Variants in PHF2 observed in about 807,000 individuals in gnomAD.
The protein encoded by PHF2 is lysine-specific demethylase PHF2.
A neutral mutation model predicts 120.5 loss-of-function variants in PHF2; 27 were observed. The observed-to-expected ratio is 0.22, with a 90% CI of 0.17 to 0.31. The LOEUF is 0.31. PHF2 is among the 10% of genes least tolerant of loss of function. The pLI, the probability that PHF2 is intolerant of heterozygous loss-of-function variation, is 1.00. For missense variants in PHF2, 1,024 were observed against 1,434.8 expected (o/e 0.71, Z 4.63); for synonymous variants, 568 against 592.5 (o/e 0.96, Z 0.60).
chr9:93,602,703 G>T (rs1338325829), intron 1 of PHF2, among the ~76,000 whole-genome samples: 7 of 152,166 alleles, frequency 4.6e-5, no homozygotes, highest in Admixed American at 4.6e-4. Flanking sequence ...GGGACCTCGG[G>T]TGCATGGGAA....
chr9:93,630,384 C>T (rs530305161), intron 2 of PHF2, among the ~76,000 whole-genome samples: 176 of 152,312 alleles, frequency 1.2e-3, no homozygotes, highest in Non-Finnish European at 1.8e-3. Flanking sequence ...AATGGTGATG[C>T]GGGGGTTTTC....
intron 1 of PHF2, among the ~76,000 whole-genome samples, chr9:93,616,643 C>T (rs1394176276): frequency 7.1e-6 from 1 of 140,866 alleles, no homozygotes; most frequent in Non-Finnish European, 1.6e-5. Context: ...TTTGATGTTT[C>T]TCCTATAATT....
Position 93,678,902 on chromosome 9 carries a change from G to A in PHF2, c.*1226G>A, listed in dbSNP as rs891312585. 1.2e-5 allele frequency: 2 copies of A among 166,284 alleles called. No homozygotes were observed. Among genetic ancestry groups the A allele is most frequent in the Admixed American group, 5.9e-5 (1 of 16,872 alleles). The allele number at this position is 166,284 out of a possible 1,614,324, so 10.3% of individuals were successfully genotyped here. A position where few individuals can be genotyped will look rare whatever the true frequency, so the allele number is the denominator to read the frequency against. ...TTATTTTTTTCTTTTAAGAACTAAG[G>A]TATTGCCTGAAAAACAAGTGATGTC... On this transcript the variant is annotated 3_prime_UTR_variant, in exon 22 of 22. Transcript: ENST00000359246.
chr9:93,596,535 C>T (rs1825335891), intron 1 of PHF2, among the ~76,000 whole-genome samples: 1 of 152,028 alleles, frequency 6.6e-6, no homozygotes, highest in Non-Finnish European at 1.5e-5. Flanking sequence ...CCAGAACCTT[C>T]AGAGGACTGG....
At chr9:93,646,143 G>C (rs1041879073) in intron 4 of PHF2, among the ~76,000 whole-genome samples, 2 of 152,190 alleles carry the variant, frequency 1.3e-5, no homozygotes, top group African/African-American at 4.8e-5. Context: ...TCCCATCCTG[G>C]CTGCCTGATT....
At chr9:93,612,339 A>G (rs916800481) in intron 1 of PHF2, among the ~76,000 whole-genome samples, 3 of 152,192 alleles carry the variant, frequency 2.0e-5, no homozygotes, top group African/African-American at 4.8e-5. Flanking sequence ...TGTTTTGCCA[A>G]GAATATGGGA....
intron 3 of PHF2, among the ~76,000 whole-genome samples, chr9:93,642,622 G>A (rs1266605628): frequency 5.3e-5 from 8 of 152,098 alleles, no homozygotes; most frequent in Admixed American, 5.2e-4. Context: ...TAGTCTAGTT[G>A]CTGTTTCTTT....
intron 1 of PHF2, among the ~76,000 whole-genome samples, chr9:93,591,969 C>A (rs1346082426): frequency 6.6e-6 from 1 of 152,214 alleles, no homozygotes; most frequent in African/African-American, 2.4e-5. Flanking sequence ...GCTGGGAGAG[C>A]CAGCTCCTTC....
chr9:93,652,885 G>A (rs1020172842), intron 5 of PHF2, among the ~76,000 whole-genome samples: 1 of 152,364 alleles, frequency 6.6e-6, no homozygotes, highest in Admixed American at 6.5e-5. Flanking sequence ...TCGCTTTCCA[G>A]TTCCCAGGAA....
intron 5 of PHF2, among the ~76,000 whole-genome samples, chr9:93,649,861 C>G (rs879814896): frequency 1.3e-5 from 2 of 152,114 alleles, no homozygotes; most frequent in Non-Finnish European, 1.5e-5. Context: ...TGCAGTCACA[C>G]TCATGGACAC....
chr9:93,578,086 C>G (rs1862867522), intron 1 of PHF2, among the ~76,000 whole-genome samples: 1 of 152,228 alleles, frequency 6.6e-6, no homozygotes, highest in Non-Finnish European at 1.5e-5. Flanking sequence ...GTCAGTGGTG[C>G]TTAAGAGTGG....
At chr9:93,606,651 C>CT (rs1327003328) in intron 1 of PHF2, among the ~76,000 whole-genome samples, 3 of 152,078 alleles carry the variant, frequency 2.0e-5, no homozygotes, top group Non-Finnish European at 4.4e-5. Flanking sequence ...TGTGGCTTGT[C>CT]TTTTTTACTT....
At chr9:93,580,931 A>G (rs1862919559) in intron 1 of PHF2, among the ~76,000 whole-genome samples, 1 of 151,620 alleles carries the variant, frequency 6.6e-6, no homozygotes, top group South Asian at 2.1e-4. Context: ...CTGTGGGGAG[A>G]GGTTGGGAGA....
intron 10 of PHF2, among the ~76,000 whole-genome samples, chr9:93,658,970 G>A (rs1004617389): frequency 1.3e-5 from 2 of 152,244 alleles, no homozygotes; most frequent in Admixed American, 1.3e-4. Context: ...TCATTGTGCA[G>A]AGGTACTATG....
Position 93,660,308 on chromosome 9 carries a change from A to C in PHF2, c.1446A>C (p.Gln482His). The C allele has an allele frequency of 6.2e-7, 1 of 1,610,508 alleles. No individual in the cohort carries two copies. Among genetic ancestry groups the C allele is most frequent in the Non-Finnish European group, 8.5e-7 (1 of 1,178,824 alleles). Reference protein sequence around the residue: ...PPSPIEATPPQSLLEKVSKKK... With the variant: ...PPSPIEATPPHSLLEKVSKKK... ...CTCCCATTGAGGCCACCCCGCCTCA[A>C]TCCCTCCTGGAGAAAGTGTCCAAAA... The change falls in exon 12 of 22, where the codon CAA becomes CAC. Residue 482 changes from glutamine to histidine, a missense_variant. Gln to His is a conservative substitution (Grantham distance 24). Transcript: ENST00000359246.
chr9:93,609,829 T>C (rs1825605094), intron 1 of PHF2, among the ~76,000 whole-genome samples: 1 of 152,172 alleles, frequency 6.6e-6, no homozygotes, highest in Non-Finnish European at 1.5e-5. Flanking sequence ...CCCAAGTAGC[T>C]GGGATTACAG....
chr9:93,663,472 C>G (rs919797264), intron 13 of PHF2, 45 bp from the exon 14 acceptor site: 4 of 1,210,388 alleles, frequency 3.3e-6, no homozygotes, highest in Non-Finnish European at 4.8e-6. Context: ...CCTGACCCCC[C>G]ACTTCTGTGT....
rs867472013 is a variant in PHF2, at chr9:93,661,135, C to A, written c.1698+575C>A. ...AGCAGGGTGGCCCTGATAGTCTGAG[C>A]CCCTGTGGACAGTGAAGAGATGGGC... On this transcript the variant is annotated intron_variant, in intron 12 of 21. Coordinates refer to ENST00000359246, the MANE Select transcript of PHF2 (RefSeq NM_005392.4). Among the ~76,000 whole-genome samples, 23 of 152,244 alleles carry A rather than the reference C, an allele frequency of 1.5e-4. No individual in the cohort carries two copies. The South Asian group carries it at 3.1e-3, about 21-fold the overall frequency.
chr9:93,663,416 G>C, intron 13 of PHF2, 101 bp from the exon 14 acceptor site: 1 of 776,082 alleles, frequency 1.3e-6, no homozygotes, highest in Non-Finnish European at 2.2e-6. Context: ...ACTTTCCTTA[G>C]TCGTGTTCCC....
Sources: gnomAD v4.1 joint callset for allele counts (sites outside exome capture counted in the v4.1 genomes callset) on GRCh38, gnomAD v4.1.1 for gene constraint, MANE v1.5 for transcripts, NCBI Gene and HGNC (gene_info 2026-07-23, HGNC 2026-07-21) for gene names.